Variants in DNAAF19 observed in about 807,000 individuals in gnomAD.
DNAAF19 encodes coiled-coil domain containing 103.
At chr17:44,903,338 G>C in the DNAAF19 span, 2 of 1,246,732 alleles carry the variant, frequency 1.6e-6, no homozygotes, top group African/African-American at 3.1e-5. Context: ...GTTGGGCCTG[G>C]GAAAGTCCCA....
chr17:44,904,361 T>C, the DNAAF19 span: 1 of 1,544,252 alleles, frequency 6.5e-7, no homozygotes, highest in South Asian at 1.2e-5. Flanking sequence ...ATGGACCCCC[T>C]GTGACCGCTG....
chr17:44,903,502 C>T, the DNAAF19 span: 1,074 of 1,277,138 alleles, frequency 8.4e-4, 7 homozygotes, highest in African/African-American at 0.015. Context: ...CCGAGCACCT[C>T]GGCCCGCCCT....
At chr17:44,904,041 TAGGTAGCAGCCACACCAA>T in the DNAAF19 span, 1 of 1,550,620 alleles carries the variant, frequency 6.4e-7, no homozygotes, top group Non-Finnish European at 8.7e-7. Context: ...CAAAAGCACC[TAGGTAGCAGCCACACCAA>T]AGTGCTGACG....
At chr17:44,905,269 T>G in the DNAAF19 span, 1 of 592,178 alleles carries the variant, frequency 1.7e-6, no homozygotes, top group Non-Finnish European at 3.1e-6. Context: ...GGTGGGAGAT[T>G]GGGGACTGAG....
the DNAAF19 span, chr17:44,904,464 T>C: frequency 6.5e-7 from 1 of 1,544,904 alleles, no homozygotes; most frequent in Non-Finnish European, 8.7e-7. Flanking sequence ...CCCGATGTGG[T>C]GTCTTGTGGC....
chr17:44,905,148 C>A, the DNAAF19 span: 1 of 1,223,920 alleles, frequency 8.2e-7, no homozygotes, highest in Non-Finnish European at 1.1e-6. Context: ...TGGGTGGGTA[C>A]CCTGGGTTGG....
chr17:44,901,625 C>T, the DNAAF19 span: 1 of 1,614,164 alleles, frequency 6.2e-7, no homozygotes, highest in East Asian at 2.2e-5. Flanking sequence ...GAAGGACCTT[C>T]CAGGATGTGG....
chr17:44,900,013 A>G, the DNAAF19 span, among the ~76,000 whole-genome samples: 1 of 151,752 alleles, frequency 6.6e-6, no homozygotes, highest in African/African-American at 2.4e-5. Flanking sequence ...TCCTTGCGCT[A>G]GGGCTGTTGG....
At chr17:44,902,967 T>TC in the DNAAF19 span, 2 of 1,431,918 alleles carry the variant, frequency 1.4e-6, no homozygotes, top group East Asian at 2.5e-5. Context: ...AATCAAGTCT[T>TC]CCCCACTTCT....
the DNAAF19 span, chr17:44,904,606 T>C: frequency 5.3e-5 from 82 of 1,550,476 alleles, no homozygotes; most frequent in Non-Finnish European, 6.8e-5. Context: ...TCATTAACTA[T>C]GTGTCCAAAG....
At chr17:44,902,447 A>C in the DNAAF19 span, 11 of 1,614,216 alleles carry the variant, frequency 6.8e-6, no homozygotes, top group Non-Finnish European at 9.3e-6. Context: ...CCAGAGCGCT[A>C]CCAGGCTCTA....
chr17:44,903,553 C>G, the DNAAF19 span: 1 of 1,361,704 alleles, frequency 7.3e-7, no homozygotes, highest in Non-Finnish European at 9.4e-7. Context: ...GGGTGAGCGC[C>G]AGTGTTCTAG....
chr17:44,900,938 C>T, the DNAAF19 span: 1 of 1,506,276 alleles, frequency 6.6e-7, no homozygotes, highest in Non-Finnish European at 8.9e-7. Flanking sequence ...GAGGTACCCT[C>T]TTTCCCCTGA....
the DNAAF19 span, chr17:44,904,032 A>G: frequency 6.4e-7 from 1 of 1,550,650 alleles, no homozygotes; most frequent in East Asian, 2.4e-5. Flanking sequence ...TGGTTCTACC[A>G]AAAGCACCTA....
chr17:44,901,753 C>T, the DNAAF19 span: 1 of 1,293,844 alleles, frequency 7.7e-7, no homozygotes, highest in Non-Finnish European at 1.1e-6. Flanking sequence ...TTTTTAACCA[C>T]ACATACCTCT....
the DNAAF19 span, chr17:44,902,550 C>T: frequency 4.9e-5 from 79 of 1,614,222 alleles, no homozygotes; most frequent in South Asian, 1.4e-4. Context: ...TGGCTGATCA[C>T]GTGGGGCCGG....
the DNAAF19 span, chr17:44,903,681 G>A: frequency 6.1e-5 from 87 of 1,435,422 alleles, no homozygotes; most frequent in East Asian, 7.7e-4. Context: ...TGCACTTGGC[G>A]GCTTCCTCTG....
At chr17:44,901,791 A>G in the DNAAF19 span, 1 of 1,025,942 alleles carries the variant, frequency 9.7e-7, no homozygotes, top group Non-Finnish European at 1.4e-6. Flanking sequence ...AAACCAACAG[A>G]GATAGGTTTC....
chr17:44,905,174 CAT>C, the DNAAF19 span: 1 of 876,104 alleles, frequency 1.1e-6, no homozygotes, highest in Non-Finnish European at 1.8e-6. Context: ...GTGGTAGGAA[CAT>C]GTGGACAAAT....
Sources: allele counts gnomAD v4.1 joint callset (sites outside exome capture counted in the v4.1 genomes callset), GRCh38; gene constraint gnomAD v4.1.1; transcripts MANE v1.5; gene names NCBI Gene and HGNC (gene_info 2026-07-23, HGNC 2026-07-21).